The following DDX19B variants were observed in gnomAD, a reference collection of about 807,000 sequenced individuals.
DDX19B encodes the protein ATP-dependent RNA helicase DDX19B.
DDX19B carries 27 observed loss-of-function variants against 58.1 expected under a neutral mutation model. The ratio of observed to expected loss-of-function variants is 0.46; its 90% CI spans 0.34 to 0.64. The LOEUF (loss-of-function observed/expected upper bound fraction) is 0.64. Among genes scored for constraint, DDX19B ranks in the 30% least tolerant of loss-of-function variants. The pLI, the probability that DDX19B is intolerant of heterozygous loss-of-function variation, is 0.01. For synonymous variants in DDX19B, 187 were observed against 214.4 expected (o/e 0.87, Z 1.12); for missense variants, 399 against 596.5 (o/e 0.67, Z 3.45).
At chr16:70,326,582 G>T (rs1396074936) in intron 7 of DDX19B, among the ~76,000 whole-genome samples, 1 of 152,108 alleles carries the variant, frequency 6.6e-6, no homozygotes, top group East Asian at 1.9e-4. Flanking sequence ...TGTCACTCAG[G>T]CTGGAGTACA....
intron 1 of DDX19B, among the ~76,000 whole-genome samples, chr16:70,302,031 C>T (rs1409228797): frequency 6.6e-6 from 1 of 151,970 alleles, no homozygotes; most frequent in South Asian, 2.1e-4. Flanking sequence ...AGCGATTCTC[C>T]TGCCTCAGCC....
At chr16:70,324,445 T>C in intron 5 of DDX19B, 140 bp from the exon 6 acceptor site, 1 of 631,290 alleles carries the variant, frequency 1.6e-6, no homozygotes, top group African/African-American at 1.9e-5. Flanking sequence ...TATAGTGCCC[T>C]GTTCTTGTGA....
upstream of DDX19B, among the ~76,000 whole-genome samples, chr16:70,297,447 A>G (rs1961268615): frequency 6.7e-6 from 1 of 149,032 alleles, no homozygotes; most frequent in South Asian, 2.1e-4. Context: ...TCCTGACCTC[A>G]GGTGATCCAC....
At chr16:70,294,959 C>A, upstream of DDX19B, 1 of 1,458,476 alleles carries the variant, frequency 6.9e-7, no homozygotes, top group Non-Finnish European at 9.0e-7. Context: ...TTTCCTCCCA[C>A]GTTTAGGTGC....
intron 7 of DDX19B, 125 bp downstream of exon 7, chr16:70,325,813 A>G (rs1963114062): frequency 1.3e-6 from 1 of 778,478 alleles, no homozygotes; most frequent in Admixed American, 2.7e-5. Context: ...AGATTCAAAA[A>G]CTTAACATTT....
chr16:70,313,082 G>A (rs1405869304), intron 2 of DDX19B, among the ~76,000 whole-genome samples: 2 of 151,936 alleles, frequency 1.3e-5, no homozygotes, highest in African/African-American at 2.4e-5. Flanking sequence ...GCAGTGGCTC[G>A]ATCTCGGCTC....
At chr16:70,315,311 C>T (rs921417111) in intron 3 of DDX19B, among the ~76,000 whole-genome samples, 7 of 148,842 alleles carry the variant, frequency 4.7e-5, no homozygotes, top group African/African-American at 1.5e-4. Flanking sequence ...GGCATGAACC[C>T]GGGAAGCAGA....
intron 2 of DDX19B, among the ~76,000 whole-genome samples, chr16:70,312,886 C>A (rs534532272): frequency 6.6e-6 from 1 of 152,166 alleles, no homozygotes; most frequent in African/African-American, 2.4e-5. Context: ...CTCTGTTGCC[C>A]AGGCTGGAGT....
rs543279847 is a variant in DDX19B, at chr16:70,318,965, G to A, written c.389+1377G>A. ...TAAAAATACAAAAAATTAGCTGGGC[G>A]TGGTGGTGGGCGCCTGTGGTCCCAG... On this transcript the variant is annotated intron_variant, in intron 5 of 11. Coordinates refer to ENST00000288071, the MANE Select transcript of DDX19B (RefSeq NM_007242.7). 8.6e-5 allele frequency among the ~76,000 whole-genome samples: 13 copies of A among 151,768 alleles called. No homozygotes were observed. The South Asian group carries it at 1.3e-3, about 15-fold the overall frequency.
chr16:70,325,002 G>A (rs1038571691), intron 6 of DDX19B, among the ~76,000 whole-genome samples: 2 of 152,204 alleles, frequency 1.3e-5, no homozygotes, highest in East Asian at 1.9e-4. Flanking sequence ...AGTGAGCTGA[G>A]ATCGCACCAT....
chr16:70,302,652 C>T (rs1961545039), intron 1 of DDX19B, among the ~76,000 whole-genome samples: 1 of 152,128 alleles, frequency 6.6e-6, no homozygotes, highest in Non-Finnish European at 1.5e-5. Flanking sequence ...TTGATGGACA[C>T]TTGAGTAATT....
At chr16:70,301,914 C>G (rs1359313270) in intron 1 of DDX19B, among the ~76,000 whole-genome samples, 1 of 150,018 alleles carries the variant, frequency 6.7e-6, no homozygotes. Flanking sequence ...GTTGGACTGG[C>G]CCTTTAATTT....
At chr16:70,308,813 GTTT>G (rs532007793) in intron 1 of DDX19B, among the ~76,000 whole-genome samples, 1 of 145,214 alleles carries the variant, frequency 6.9e-6, no homozygotes. Flanking sequence ...GTGCCCAGCT[GTTT>G]TTTTTTTTTT....
chr16:70,299,221 C>G lies in DDX19B; in HGVS notation c.-77C>G. 6.9e-7 allele frequency: 1 copy of G among 1,451,710 alleles called. No homozygotes were observed. Among genetic ancestry groups the G allele is most frequent in the Non-Finnish European group, 9.1e-7 (1 of 1,101,658 alleles). 89.9% of individuals were successfully genotyped at this position (1,451,710 alleles called of 1,614,324 possible). The stretch of plus-strand genomic sequence containing the variant: ...AGTGGGGCTGGAGCAGAGCCTGCCG[C>G]GAACCCCCGGAGCCCACGATCCCTC... On this transcript the variant is annotated 5_prime_UTR_variant, in exon 1 of 12. Coordinates refer to ENST00000288071, the MANE Select transcript of DDX19B (RefSeq NM_007242.7).
In DDX19B at chr16:70,303,129, TTTTTTGTTTTTG is replaced by T. The variant is rs758478382; in HGVS notation, c.57+3787_57+3798del. Among the ~76,000 whole-genome samples the T allele has an allele frequency of 1.1e-4, 17 of 152,250 alleles. No homozygotes were observed. The Middle Eastern group carries it at 0.01, about 91-fold the overall frequency. On this transcript the variant is annotated intron_variant, in intron 1 of 11. Coordinates refer to ENST00000288071, the MANE Select transcript of DDX19B (RefSeq NM_007242.7). ...TTATATATTCTGGATAGAAGTTCTG[TTTTTTGTTTTTG>T]TTTTTGTTTTTTTTGAGACAGGGTC...
chr16:70,293,815 G>C (rs1205854436), upstream of DDX19B, among the ~76,000 whole-genome samples: 3 of 149,696 alleles, frequency 2.0e-5, no homozygotes, highest in Non-Finnish European at 4.4e-5. Context: ...GTTTCACCTT[G>C]TTAGCCAGGA....
chr16:70,327,341 T>A (rs1001854629), intron 7 of DDX19B, among the ~76,000 whole-genome samples: 1 of 151,748 alleles, frequency 6.6e-6, no homozygotes, highest in African/African-American at 2.4e-5. Flanking sequence ...GAGACCATCC[T>A]GGCCAACATG....
chr16:70,331,939 T>C, intron 10 of DDX19B, 55 bp downstream of exon 10: 1 of 1,596,228 alleles, frequency 6.3e-7, no homozygotes. Flanking sequence ...CCAGGCCCAG[T>C]TAGAGCCAGA....
In DDX19B at chr16:70,312,647, A is replaced by G; in HGVS notation, c.96A>G (p.Pro32=). Residue 32 remains proline (P), a synonymous_variant, in exon 2 of 12, where the codon CCA becomes CCG. Coordinates refer to ENST00000288071, the MANE Select transcript of DDX19B (RefSeq NM_007242.7). ...NLHLKEEKIK[P]DTNGAVVKTN... is the part of the protein sequence containing the mutation. ...ATCTTAAGGAAGAGAAAATCAAACC[A>G]GATACCAATGGTAAGTAACTAATAG... 6.2e-7 allele frequency: 1 copy of G among 1,612,136 alleles called. No individual in the cohort carries two copies. The highest frequency in any genetic ancestry group is 8.5e-7 in the Non-Finnish European group (1 of 1,178,626).
Sources: allele counts gnomAD v4.1 joint callset (sites outside exome capture counted in the v4.1 genomes callset), GRCh38; gene constraint gnomAD v4.1.1; transcripts MANE v1.5; gene names NCBI Gene and HGNC (gene_info 2026-07-23, HGNC 2026-07-21).